The following NALF1 variants were observed in gnomAD, a reference collection of about 807,000 sequenced individuals.
The protein encoded by NALF1 is family with sequence similarity 155 member A.
A neutral mutation model predicts 48.4 loss-of-function variants in NALF1; 3 were observed. The ratio of observed to expected loss-of-function variants is 0.06; its 90% CI spans 0.03 to 0.16. The LOEUF is 0.16. Among genes scored for constraint, NALF1 ranks in the 10% least tolerant of loss-of-function variants. NALF1 has a pLI of 1.00. For missense variants in NALF1, 526 were observed against 571.5 expected (o/e 0.92, Z 0.81); for synonymous variants, 262 against 245.7 (o/e 1.07, Z -0.62).
intron 1 of NALF1, among the ~76,000 whole-genome samples, chr13:107,555,066 T>C (rs1221253456): frequency 6.6e-6 from 1 of 152,116 alleles, no homozygotes; most frequent in Admixed American, 6.6e-5. Flanking sequence ...ATTGGAGTGA[T>C]CATTGCAATT....
At chr13:107,828,254 T>G (rs1342144300) in intron 1 of NALF1, among the ~76,000 whole-genome samples, 2 of 152,200 alleles carry the variant, frequency 1.3e-5, no homozygotes, top group African/African-American at 4.8e-5. Flanking sequence ...TTCCAAATTT[T>G]TGTTATTGTT....
At chr13:107,221,390 C>T (rs1247109839) in intron 1 of NALF1, among the ~76,000 whole-genome samples, 2 of 152,104 alleles carry the variant, frequency 1.3e-5, no homozygotes, top group Non-Finnish European at 2.9e-5. Context: ...CCAGCCTGGC[C>T]AACCTGGCAA....
chr13:107,438,852 G>GAAAAAAAAAAAAAAAAAAAAAA (rs1884508652), intron 1 of NALF1, among the ~76,000 whole-genome samples: 1 of 76,878 alleles, frequency 1.3e-5, no homozygotes, highest in African/African-American at 5.0e-5. Context: ...AAAAAAAAAA[G>GAAAAAAAAAAAAAAAAAAAAAA]AATAATATAA....
chr13:107,262,347 G>A (rs1416070648), intron 1 of NALF1, among the ~76,000 whole-genome samples: 8 of 152,066 alleles, frequency 5.3e-5, no homozygotes, highest in East Asian at 1.9e-4. Flanking sequence ...CCCAGGAGGC[G>A]GAGGTTGCAG....
intron 1 of NALF1, among the ~76,000 whole-genome samples, chr13:107,818,525 T>C (rs17446972): frequency 0.019 from 2,885 of 152,188 alleles, 41 homozygotes; most frequent in Non-Finnish European, 0.032. Context: ...GAGTGGCAGA[T>C]TGTAGAGTTG....
At chr13:107,315,592 C>CT (rs1361335342) in intron 1 of NALF1, among the ~76,000 whole-genome samples, 8 of 151,440 alleles carry the variant, frequency 5.3e-5, no homozygotes, top group South Asian at 2.1e-4. Context: ...TTGGGTTTTC[C>CT]TTTTTTTTGA....
chr13:107,452,333 C>A (rs1884755793), intron 1 of NALF1, among the ~76,000 whole-genome samples: 1 of 152,158 alleles, frequency 6.6e-6, no homozygotes, highest in Admixed American at 6.5e-5. Context: ...AATTAACTCA[C>A]AGTTCAGCAT....
At chr13:107,177,869 G>T (rs932427204) in intron 2 of NALF1, among the ~76,000 whole-genome samples, 1 of 152,166 alleles carries the variant, frequency 6.6e-6, no homozygotes, top group African/African-American at 2.4e-5. Flanking sequence ...GGCCAACATG[G>T]TGAAACCTCA....
intron 1 of NALF1, among the ~76,000 whole-genome samples, chr13:107,293,240 G>A (rs9559001): frequency 0.53 from 79,746 of 151,660 alleles, 21,265 homozygotes; most frequent in East Asian, 0.62. Context: ...TTGGCCTCCC[G>A]AAGTGCTAGG....
intron 1 of NALF1, among the ~76,000 whole-genome samples, chr13:107,705,161 T>C (rs1881916620): frequency 6.6e-6 from 1 of 152,206 alleles, no homozygotes; most frequent in Admixed American, 6.5e-5. Flanking sequence ...CAGACAGATG[T>C]AATCTCAAGA....
chr13:107,512,743 T>A (rs1875936773), intron 1 of NALF1, among the ~76,000 whole-genome samples: 1 of 152,116 alleles, frequency 6.6e-6, no homozygotes, highest in African/African-American at 2.4e-5. Context: ...GTTCATCAGG[T>A]CATTGTCATG....
chr13:107,680,095 G>A (rs2138494397), intron 1 of NALF1, among the ~76,000 whole-genome samples: 1 of 152,134 alleles, frequency 6.6e-6, no homozygotes, highest in Non-Finnish European at 1.5e-5. Flanking sequence ...AGGTGCCCAT[G>A]TGCCCAGGTG....
intron 1 of NALF1, among the ~76,000 whole-genome samples, chr13:107,261,938 G>A (rs960644059): frequency 6.6e-5 from 10 of 152,028 alleles, no homozygotes; most frequent in African/African-American, 1.4e-4. Context: ...CGCCTCTCCC[G>A]CATCCTCCAT....
At chr13:107,461,787 C>A (rs1475837514) in intron 1 of NALF1, among the ~76,000 whole-genome samples, 1 of 152,044 alleles carries the variant, frequency 6.6e-6, no homozygotes, top group East Asian at 1.9e-4. Flanking sequence ...AATACAAAGT[C>A]ATTGTGGATT....
chr13:107,715,586 T>G (rs947744510), intron 1 of NALF1, among the ~76,000 whole-genome samples: 1 of 151,924 alleles, frequency 6.6e-6, no homozygotes, highest in Non-Finnish European at 1.5e-5. Context: ...AGAGTTGGAG[T>G]GGTTTCAGAT....
At chr13:107,711,027 A>G (rs575084053) in intron 1 of NALF1, among the ~76,000 whole-genome samples, 11 of 152,012 alleles carry the variant, frequency 7.2e-5, no homozygotes, top group Non-Finnish European at 1.3e-4. Context: ...TTTATGAAAG[A>G]CTGCTTCAAA....
intron 1 of NALF1, among the ~76,000 whole-genome samples, chr13:107,836,922 C>A (rs1029231640): frequency 2.6e-5 from 4 of 152,132 alleles, no homozygotes; most frequent in Non-Finnish European, 5.9e-5. Context: ...ATGACACTAA[C>A]GGGAAGAATT....
chr13:107,439,549 C>T (rs1431575264), intron 1 of NALF1, among the ~76,000 whole-genome samples: 2 of 152,170 alleles, frequency 1.3e-5, no homozygotes, highest in East Asian at 3.9e-4. Context: ...GAAAAAAAGC[C>T]TTATCTACAG....
At chr13:107,224,115 T>G (rs1030122814) in intron 1 of NALF1, among the ~76,000 whole-genome samples, 1 of 152,100 alleles carries the variant, frequency 6.6e-6, no homozygotes, top group African/African-American at 2.4e-5. Flanking sequence ...TAACAATCCT[T>G]AATAATAAAA....
Sources: allele counts gnomAD v4.1 joint callset (sites outside exome capture counted in the v4.1 genomes callset), GRCh38; gene constraint gnomAD v4.1.1; transcripts MANE v1.5; gene names NCBI Gene and HGNC (gene_info 2026-07-23, HGNC 2026-07-21).